Variants in NFAT5 observed in about 807,000 individuals in gnomAD.
NFAT5 encodes the protein nuclear factor of activated T-cells 5.
In NFAT5, 31 loss-of-function variants were observed where a neutral mutation model predicts 166.5. The ratio of observed to expected loss-of-function variants is 0.19; its 90% CI spans 0.14 to 0.25. NFAT5 has a LOEUF of 0.25. NFAT5 is among the 10% of genes least tolerant of loss of function. NFAT5 has a pLI of 1.00. For missense variants in NFAT5, 1,449 were observed against 1,821.8 expected (o/e 0.80, Z 3.72); for synonymous variants, 612 against 639.7 (o/e 0.96, Z 0.65).
chr16:69,613,267 A>T (rs1370550603), intron 2 of NFAT5, among the ~76,000 whole-genome samples: 1 of 152,164 alleles, frequency 6.6e-6, no homozygotes, highest in Non-Finnish European at 1.5e-5. Flanking sequence ...TTTCTTGCTT[A>T]GGCTATTATT....
intron 11 of NFAT5, chr16:69,690,562 G>A (rs17232663): frequency 0.023 from 3,579 of 152,654 alleles, 64 homozygotes; most frequent in Non-Finnish European, 0.036. Context: ...ATGCTAAGAG[G>A]AGAGTGTAGT....
chr16:69,679,754 A>G (rs934427322), intron 10 of NFAT5, among the ~76,000 whole-genome samples: 1 of 152,230 alleles, frequency 6.6e-6, no homozygotes, highest in Non-Finnish European at 1.5e-5. Flanking sequence ...CTTATTCTCA[A>G]AGACCAAATA....
intron 11 of NFAT5, chr16:69,686,224 G>A (rs2037297023): frequency 6.6e-6 from 1 of 151,622 alleles, no homozygotes; most frequent in African/African-American, 2.4e-5. Context: ...ATGGTGATGT[G>A]TGCCTGTAAT....
chr16:69,689,710 A>T (rs945557375), intron 11 of NFAT5, among the ~76,000 whole-genome samples: 5 of 152,046 alleles, frequency 3.3e-5, no homozygotes, highest in Non-Finnish European at 7.4e-5. Context: ...ATGCCCTGCT[A>T]ATTTTTGTAT....
intron 2 of NFAT5, among the ~76,000 whole-genome samples, chr16:69,618,336 G>A (rs2034051480): frequency 6.6e-6 from 1 of 152,194 alleles, no homozygotes; most frequent in African/African-American, 2.4e-5. Flanking sequence ...TGTGGCAGCA[G>A]ACTAGTAAAT....
rs570361623 is a variant in NFAT5, at chr16:69,590,993, G to A, written c.127+22445G>A. Among the ~76,000 whole-genome samples, 21 of 152,110 alleles carry A rather than the reference G, an allele frequency of 1.4e-4. 1 individual carries two copies. The highest frequency in any genetic ancestry group is 1.1e-3 in the Admixed American group (17 of 15,264). ...GTCGCCCAGGTTGGAGTGCAGTGGCGTAATCTCGGCTCACTGCAACCTTCG... is the reference window on the plus strand; with the variant it reads ...GTCGCCCAGGTTGGAGTGCAGTGGCATAATCTCGGCTCACTGCAACCTTCG... On this transcript the variant is annotated intron_variant, in intron 2 of 14. Transcript: ENST00000349945.
chr16:69,658,154 A>G (rs187193012), intron 6 of NFAT5, among the ~76,000 whole-genome samples: 1 of 151,964 alleles, frequency 6.6e-6, no homozygotes, highest in East Asian at 1.9e-4. Context: ...GAAGGAATTT[A>G]CTGATTATAA....
At chr16:69,655,859 T>G in intron 6 of NFAT5, 60 bp downstream of exon 6, 2 of 1,303,920 alleles carry the variant, frequency 1.5e-6, no homozygotes, top group South Asian at 1.6e-5. Context: ...GCAGAATTGT[T>G]CAGTTTCTAA....
At chr16:69,643,093 T>C (rs1272323251) in intron 3 of NFAT5, among the ~76,000 whole-genome samples, 5 of 151,864 alleles carry the variant, frequency 3.3e-5, no homozygotes, top group Middle Eastern at 3.4e-3. Context: ...GGTAGGCACC[T>C]GTAATCCCAG....
intron 2 of NFAT5, among the ~76,000 whole-genome samples, chr16:69,617,097 T>C (rs2033986746): frequency 6.6e-6 from 1 of 151,520 alleles, no homozygotes; most frequent in African/African-American, 2.4e-5. Context: ...GCGCCCACCA[T>C]CACGCCCGGC....
intron 3 of NFAT5, among the ~76,000 whole-genome samples, chr16:69,634,277 C>CAAAAA (rs745354566): frequency 2.7e-4 from 23 of 84,856 alleles, no homozygotes; most frequent in African/African-American, 5.6e-4. Context: ...TTCCGACTCA[C>CAAAAA]AAAAAAAAAA....
rs1219529599 is a variant in NFAT5, at chr16:69,700,627, T to A, written c.*4276T>A. 2.0e-5 allele frequency: 3 copies of A among 152,236 alleles called. No individual in the cohort carries two copies. Among genetic ancestry groups the A allele is most frequent in the African/African-American group, 7.2e-5 (3 of 41,462 alleles). The allele number at this position is 152,236 out of a possible 1,614,324, so 9.4% of individuals were successfully genotyped here. On this transcript the variant is annotated 3_prime_UTR_variant, in exon 15 of 15. Transcript: ENST00000349945. ...AATATCTGTTTCCTAATAGATTTTT[T>A]AAATTAATTAGCTTTCCTCTGCTTT...
chr16:69,644,241 T>C (rs1192144037), intron 3 of NFAT5, among the ~76,000 whole-genome samples: 1 of 151,746 alleles, frequency 6.6e-6, no homozygotes, highest in Non-Finnish European at 1.5e-5. Context: ...GCCATGATCG[T>C]GCCACTGCAC....
chr16:69,655,199 T>A (rs1261464931), intron 5 of NFAT5, among the ~76,000 whole-genome samples: 1 of 152,190 alleles, frequency 6.6e-6, no homozygotes, highest in Non-Finnish European at 1.5e-5. Context: ...TTTAGTAGAA[T>A]AAAAATTTGG....
At chr16:69,614,975 C>A (rs1244781742) in intron 2 of NFAT5, among the ~76,000 whole-genome samples, 1 of 148,424 alleles carries the variant, frequency 6.7e-6, no homozygotes, top group Admixed American at 6.8e-5. Flanking sequence ...CTCCTGGGTT[C>A]AAGCAATTCT....
In NFAT5 at chr16:69,668,797, G is replaced by C. The variant is rs1422381899; in HGVS notation, c.1370-1180G>C. ...AGGTTCAAGAGATTCTCCTGCCTCA[G>C]CCTCCCAAGTAGCTGGGATTACAAG... On this transcript the variant is annotated intron_variant, in intron 7 of 14. Transcript: ENST00000349945. Among the ~76,000 whole-genome samples, 4 of 152,058 alleles carry C rather than the reference G, an allele frequency of 2.6e-5. No homozygotes were observed. In the East Asian group the frequency reaches 7.7e-4, roughly 29 times the overall value.
chr16:69,693,901 C>T lies in NFAT5; in HGVS notation c.4076C>T (p.Pro1359Leu). Residue 1359 changes from proline (P) to leucine (L), a missense_variant, in exon 13 of 15, where the codon CCT becomes CTT. Physicochemically the swap from Pro to Leu is moderately conservative, Grantham distance 98. Around this residue, in one of 7 missense-constraint regions of NFAT5, gnomAD observed 891 missense variants for 993.0 expected, o/e 0.90. Transcript: ENST00000349945. ...STVSSLQNPG[P>L]TQSESSQTPL... ...GTTTCCTCACTTCAGAACCCAGGTC[C>T]TACCCAGTCGGAATCATCACAGACC... The T allele has an allele frequency of 6.2e-7, 1 of 1,614,216 alleles. No individual in the cohort carries two copies. Among genetic ancestry groups the T allele is most frequent in the Non-Finnish European group, 8.5e-7 (1 of 1,180,042 alleles).
intron 2 of NFAT5, among the ~76,000 whole-genome samples, chr16:69,571,285 CAG>C (rs2016421975): frequency 6.6e-6 from 1 of 151,872 alleles, no homozygotes; most frequent in South Asian, 2.1e-4. Flanking sequence ...GCCTGGGTGA[CAG>C]AGTGAGACTC....
intron 10 of NFAT5, among the ~76,000 whole-genome samples, chr16:69,682,775 A>G (rs993553462): frequency 6.6e-6 from 1 of 152,206 alleles, no homozygotes; most frequent in African/African-American, 2.4e-5. Flanking sequence ...TCAGTTGCCT[A>G]TAAATCATTT....
Sources: allele counts gnomAD v4.1 joint callset (sites outside exome capture counted in the v4.1 genomes callset), GRCh38; gene constraint gnomAD v4.1.1; regional missense constraint gnomAD v4.1.1; transcripts MANE v1.5; gene names NCBI Gene and HGNC (gene_info 2026-07-23, HGNC 2026-07-21).